ASXL3: variants seen among roughly 807,000 people sequenced by gnomAD.
The protein encoded by ASXL3 is putative Polycomb group protein ASXL3.
A neutral mutation model predicts 170.6 loss-of-function variants in ASXL3; 34 were observed. That is an observed-to-expected ratio of 0.20 (90% confidence interval 0.15 to 0.27). The LOEUF is 0.27. ASXL3 is among the 10% of genes least tolerant of loss of function. ASXL3 has a pLI of 1.00. For missense variants in ASXL3, 2,592 were observed against 2,695.3 expected (o/e 0.96, Z 0.85); for synonymous variants, 1,002 against 989.1 (o/e 1.01, Z -0.24).
At chr18:33,710,004 C>A (rs1007095064) in intron 8 of ASXL3, among the ~76,000 whole-genome samples, 1 of 152,120 alleles carries the variant, frequency 6.6e-6, no homozygotes, top group African/African-American at 2.4e-5. Context: ...GCCTGTAATC[C>A]CAGCACTTTG....
rs755170705 is a variant in ASXL3, at chr18:33,738,728, A to G, written c.1324A>G (p.Ile442Val). 4.3e-6 allele frequency: 7 copies of G among 1,614,012 alleles called. No homozygotes were observed. Among genetic ancestry groups the G allele is most frequent in the Non-Finnish European group, 5.1e-6 (6 of 1,179,876 alleles). Reference protein sequence around the residue: ...DIMAELESEDILIPEESVIQE... With the variant: ...DIMAELESEDVLIPEESVIQE... Reference sequence around the variant, plus strand: ...AATGGCAGAATTGGAGTCAGAGGATATCTTGATCCCTGAAGAATCTGTAAT... The same window carrying G: ...AATGGCAGAATTGGAGTCAGAGGATGTCTTGATCCCTGAAGAATCTGTAAT... Residue 442 changes from isoleucine to valine, a missense_variant, in exon 11 of 12, where the codon ATC (isoleucine) becomes GTC (valine). Physicochemically the swap from Ile to Val is conservative, Grantham distance 29. Transcript: ENST00000269197.
Position 33,671,765 on chromosome 18 carries a change from G to T in ASXL3, c.614G>T (p.Gly205Val). Residue 205 changes from glycine (G) to valine (V), a missense_variant, in exon 7 of 12, where the codon GGT (glycine) becomes GTT (valine). Physicochemically the swap from Gly to Val is moderately radical, Grantham distance 109. Around this residue, in one of 4 missense-constraint regions of ASXL3, gnomAD observed 251 missense variants for 281.9 expected, o/e 0.89. Coordinates refer to ENST00000269197, the MANE Select transcript of ASXL3 (RefSeq NM_030632.3). The stretch of plus-strand genomic sequence containing the variant: ...TTTTTAGGATCTGAATCTAAAAATG[G>T]TGAAGCAGACAGTTCAGATAAAGAA... ...DSPSGSESKN[G>V]EADSSDKEMK... 1.2e-6 allele frequency: 2 copies of T among 1,607,354 alleles called. No individual in the cohort carries two copies. Among genetic ancestry groups the T allele is most frequent in the Non-Finnish European group, 1.7e-6 (2 of 1,176,300 alleles).
chr18:33,645,299 T>C (rs2065901261), intron 3 of ASXL3, among the ~76,000 whole-genome samples: 2 of 151,958 alleles, frequency 1.3e-5, no homozygotes, highest in South Asian at 4.2e-4. Flanking sequence ...TGGCCAGGAG[T>C]TTAAGATGAG....
chr18:33,740,042 C>T lies in ASXL3; in HGVS notation c.2638C>T (p.Pro880Ser). 1 of 1,613,846 alleles carries T rather than the reference C, an allele frequency of 6.2e-7. No homozygotes were observed. The highest frequency in any genetic ancestry group is 8.5e-7 in the Non-Finnish European group (1 of 1,179,856). The change falls in exon 11 of 12, where the codon CCA becomes TCA. Residue 880 changes from proline to serine, a missense_variant. Coordinates refer to ENST00000269197, the MANE Select transcript of ASXL3 (RefSeq NM_030632.3). ...AACAGAAAAAAAAGTGTTACCTTCA[C>T]CATTGGAATTATCTGTCTTTTCTGA... The part of the protein sequence containing the change: ...QRTEKKVLPS[P>S]LELSVFSEGT...
chr18:33,739,708 A>G lies in ASXL3; in HGVS notation c.2304A>G (p.Gln768=), dbSNP rs2067621705. The change falls in exon 11 of 12, where the codon CAA becomes CAG. Residue 768 remains glutamine (Q), a synonymous_variant. Transcript: ENST00000269197. ...TAAATGAGAGAATGGCACATCAGCA[A>G]AGAAAGTCACCTTCTGTATCTGAAG... ...SSINERMAHQ[Q]RKSPSVSEEP... is the part of the protein sequence containing the mutation. The G allele has an allele frequency of 6.2e-7, 1 of 1,613,922 alleles. No individual in the cohort carries two copies. The highest frequency in any genetic ancestry group is 8.5e-7 in the Non-Finnish European group (1 of 1,179,882).
At chr18:33,657,521 A>G (rs569529638) in intron 4 of ASXL3, among the ~76,000 whole-genome samples, 24 of 152,218 alleles carry the variant, frequency 1.6e-4, no homozygotes, top group Admixed American at 1.5e-3. Context: ...CCTCCCTAGC[A>G]TGCAGCTTTA....
chr18:33,736,782 G>A (rs79214903), intron 10 of ASXL3, among the ~76,000 whole-genome samples: 1,986 of 152,178 alleles, frequency 0.013, 41 homozygotes, highest in African/African-American at 0.045. Context: ...TTTCCTTTGC[G>A]TAGTATGGGG....
intron 8 of ASXL3, among the ~76,000 whole-genome samples, chr18:33,686,952 G>T (rs1174391338): frequency 6.6e-6 from 1 of 152,208 alleles, no homozygotes; most frequent in Non-Finnish European, 1.5e-5. Context: ...AGAGAGGCTG[G>T]TTAGGAGACA....
intron 1 of ASXL3, among the ~76,000 whole-genome samples, chr18:33,584,495 TG>T (rs1267200856): frequency 2.0e-5 from 3 of 152,090 alleles, no homozygotes; most frequent in African/African-American, 7.2e-5. Flanking sequence ...TGTACAGTGA[TG>T]GGGGGTGCAC....
chr18:33,739,730 G>A lies in ASXL3; in HGVS notation c.2326G>A (p.Glu776Lys). 5 of 1,613,806 alleles carry A rather than the reference G, an allele frequency of 3.1e-6. No homozygotes were observed. The highest frequency in any genetic ancestry group is 4.2e-6 in the Non-Finnish European group (5 of 1,179,852). ...GCAAAGAAAGTCACCTTCTGTATCT[G>A]AAGAGCCACTCTCCCCGCAGAAAGA... is the stretch of plus-strand genomic sequence containing the variant. ...HQQRKSPSVSEEPLSPQKDES... is the reference protein window; with the variant it reads ...HQQRKSPSVSKEPLSPQKDES... The change falls in exon 11 of 12, where the codon GAA (glutamate) becomes AAA (lysine). Residue 776 changes from glutamate (E) to lysine (K), a missense_variant. Around this residue, in one of 4 missense-constraint regions of ASXL3, gnomAD observed 2,246 missense variants for 2,219.6 expected, o/e 1.01. Coordinates refer to ENST00000269197, the MANE Select transcript of ASXL3 (RefSeq NM_030632.3).
chr18:33,640,529 T>C (rs1267597974), intron 2 of ASXL3, among the ~76,000 whole-genome samples: 3 of 152,092 alleles, frequency 2.0e-5, no homozygotes, highest in African/African-American at 7.2e-5. Flanking sequence ...TAAATAAATC[T>C]AAGTGTACAT....
At chr18:33,612,024 C>A (rs984487156) in intron 2 of ASXL3, among the ~76,000 whole-genome samples, 4 of 151,954 alleles carry the variant, frequency 2.6e-5, no homozygotes, top group African/African-American at 4.8e-5. Flanking sequence ...ATAGTGAGAG[C>A]AAAACAACCA....
At chr18:33,679,211 A>C (rs35134719) in intron 7 of ASXL3, among the ~76,000 whole-genome samples, 3,252 of 152,072 alleles carry the variant, frequency 0.021, 41 homozygotes, top group Non-Finnish European at 0.03. Flanking sequence ...TTTTCTCTCT[A>C]TATATATATT....
intron 2 of ASXL3, chr18:33,609,003 G>A (rs920188339): frequency 2.4e-5 from 24 of 983,276 alleles, no homozygotes; most frequent in Non-Finnish European, 2.8e-5. Flanking sequence ...TGGAGAAATA[G>A]CCTAAGATAA....
chr18:33,601,640 G>A (rs1189982115), intron 1 of ASXL3, among the ~76,000 whole-genome samples: 2 of 151,588 alleles, frequency 1.3e-5, no homozygotes, highest in Non-Finnish European at 2.9e-5. Context: ...TGAGGACCAA[G>A]GCCCAGGATT....
chr18:33,682,856 G>GT (rs1241854341), intron 7 of ASXL3, among the ~76,000 whole-genome samples: 8 of 152,056 alleles, frequency 5.3e-5, no homozygotes, highest in Non-Finnish European at 1.0e-4. Context: ...CGAACCTAAG[G>GT]TTTTTTTAAA....
At chr18:33,608,623 T>C (rs903798288) in intron 2 of ASXL3, among the ~76,000 whole-genome samples, 8 of 151,990 alleles carry the variant, frequency 5.3e-5, no homozygotes, top group African/African-American at 1.9e-4. Flanking sequence ...TTGTCATATG[T>C]GTATGTAATC....
At position 33,749,533 on chromosome 18, in the gene ASXL3, T is replaced by C. The variant is rs1222551758; in HGVS notation, c.*2938T>C. 4 of 152,102 alleles carry C rather than the reference T, an allele frequency of 2.6e-5. No homozygotes were observed. The East Asian group carries it at 7.7e-4, about 29-fold the overall frequency. 9.4% of individuals were successfully genotyped at this position (152,102 alleles called of 1,614,324 possible). A position where few individuals can be genotyped will look rare whatever the true frequency, so the allele number is the denominator to read the frequency against. On this transcript the variant is annotated 3_prime_UTR_variant, in exon 12 of 12. Coordinates refer to ENST00000269197, the MANE Select transcript of ASXL3 (RefSeq NM_030632.3). The stretch of plus-strand genomic sequence containing the variant: ...AACTGCTATTCCCTAATCCTCCTCC[T>C]ATAAGATATGCATATGCCTGAGGTG...
chr18:33,700,624 T>G (rs1469876774), intron 8 of ASXL3, among the ~76,000 whole-genome samples: 1 of 152,110 alleles, frequency 6.6e-6, no homozygotes. Flanking sequence ...GTGAGTTCAC[T>G]GAAAGCAGCA....
Sources: gnomAD v4.1 joint callset for allele counts (sites outside exome capture counted in the v4.1 genomes callset) on GRCh38, gnomAD v4.1.1 for gene constraint, gnomAD v4.1.1 regional missense constraint, MANE v1.5 for transcripts, NCBI Gene and HGNC (gene_info 2026-07-23, HGNC 2026-07-21) for gene names.